The following ZC3HAV1 variants were observed in gnomAD, a reference collection of about 807,000 sequenced individuals.
ZC3HAV1 encodes the protein zinc finger CCCH-type containing, antiviral 1.
A neutral mutation model predicts 86.6 loss-of-function variants in ZC3HAV1; 41 were observed. The observed-to-expected ratio is 0.47, with a 90% CI of 0.37 to 0.61. The LOEUF is 0.61. ZC3HAV1 is among the 20% of genes least tolerant of loss of function. ZC3HAV1 has a pLI of 0.00. For synonymous variants in ZC3HAV1, 421 were observed against 432.1 expected, an observed-to-expected ratio of 0.97 and a Z score of 0.32; for missense variants, 964 against 1,141.1, an observed-to-expected ratio of 0.84 and a Z score of 2.24.
chr7:139,071,912 C>G (rs1465933035), intron 7 of ZC3HAV1, among the ~76,000 whole-genome samples: 1 of 152,188 alleles, frequency 6.6e-6, no homozygotes, highest in Non-Finnish European at 1.5e-5. Flanking sequence ...TGGTTGAGGA[C>G]CTCACCACAG....
chr7:139,054,302 T>C (rs1438572960), intron 10 of ZC3HAV1, among the ~76,000 whole-genome samples: 1 of 152,144 alleles, frequency 6.6e-6, no homozygotes, highest in African/African-American at 2.4e-5. Context: ...CCAGGCCAAC[T>C]GAAAGCTAGC....
At chr7:139,074,709 G>C (rs1404781506) in intron 6 of ZC3HAV1, among the ~76,000 whole-genome samples, 4 of 151,400 alleles carry the variant, frequency 2.6e-5, no homozygotes, top group South Asian at 2.1e-4. Context: ...ATATACCTGG[G>C]TATGTATATT....
At chr7:139,059,610 C>T (rs1816387522) in intron 9 of ZC3HAV1, among the ~76,000 whole-genome samples, 1 of 144,448 alleles carries the variant, frequency 6.9e-6, no homozygotes, top group Non-Finnish European at 1.5e-5. Context: ...GAGTAAGACT[C>T]TGTCAAAAAA....
intron 1 of ZC3HAV1, among the ~76,000 whole-genome samples, chr7:139,105,582 T>C (rs186330522): frequency 6.6e-6 from 1 of 152,242 alleles, no homozygotes; most frequent in Non-Finnish European, 1.5e-5. Flanking sequence ...CTAAAATGTA[T>C]CACTAAAAAC....
intron 7 of ZC3HAV1, among the ~76,000 whole-genome samples, chr7:139,071,702 T>C (rs1256915378): frequency 1.3e-5 from 2 of 152,122 alleles, no homozygotes; most frequent in Non-Finnish European, 2.9e-5. Context: ...AGATGCTACA[T>C]GGGCCACCAC....
In ZC3HAV1 at chr7:139,044,512, T is replaced by A. The variant is rs187358934; in HGVS notation, c.*3082A>T. ...AATTGATTTTTTTAAGAAATTCATG[T>A]GTGTAAGTAGATTGTATTATCTATG... is the stretch of plus-strand genomic sequence containing the variant. On this transcript the variant is annotated 3_prime_UTR_variant, in exon 13 of 13. Coordinates refer to ENST00000242351, the MANE Select transcript of ZC3HAV1 (RefSeq NM_020119.4). 1.4e-4 allele frequency: 21 copies of A among 152,272 alleles called. No individual in the cohort carries two copies. Among genetic ancestry groups the A allele is most frequent in the African/African-American group, 3.9e-4 (16 of 41,532 alleles). 9.4% of individuals were successfully genotyped at this position (152,272 alleles called of 1,614,324 possible).
chr7:139,062,229 A>C (rs1816463072), intron 8 of ZC3HAV1, among the ~76,000 whole-genome samples: 1 of 136,122 alleles, frequency 7.3e-6, no homozygotes, highest in African/African-American at 3.5e-5. Context: ...AACATAAACC[A>C]CACACACACA....
At position 139,055,295 on chromosome 7, in the gene ZC3HAV1, G is replaced by C; in HGVS notation, c.2097C>G (p.Asp699Glu). The C allele has an allele frequency of 6.2e-7, 1 of 1,610,626 alleles. No individual in the cohort carries two copies. Among genetic ancestry groups the C allele is most frequent in the Non-Finnish European group, 8.5e-7 (1 of 1,177,696 alleles). The change falls in exon 10 of 13, where the codon GAC becomes GAG. Residue 699 changes from aspartate (D) to glutamate (E), a missense_variant and splice_region_variant. Asp to Glu is a conservative substitution (Grantham distance 45). Transcript: ENST00000242351. ...WYVQQMKRGP[D>E]HQPAKTSSVS... Reference sequence around the variant, plus strand: ...CTGACGAGGTCTTTGCTGGCTGATGGCTACAAATAAAGAGAAAGAATTCAC... The same window carrying C: ...CTGACGAGGTCTTTGCTGGCTGATGCCTACAAATAAAGAGAAAGAATTCAC...
At chr7:139,068,207 G>A (rs960488712) in intron 7 of ZC3HAV1, among the ~76,000 whole-genome samples, 2 of 152,004 alleles carry the variant, frequency 1.3e-5, no homozygotes, top group African/African-American at 2.4e-5. Context: ...TTACAGGCAT[G>A]AGCCACCACA....
intron 10 of ZC3HAV1, 42 bp downstream of exon 10, chr7:139,055,163 A>G (rs1816246888): frequency 6.5e-6 from 10 of 1,547,686 alleles, no homozygotes; most frequent in Non-Finnish European, 8.9e-6. Flanking sequence ...ACTTTTTCTA[A>G]CTTTTAACAG....
At chr7:139,053,069 T>C (rs1816182521) in intron 12 of ZC3HAV1, among the ~76,000 whole-genome samples, 1 of 152,130 alleles carries the variant, frequency 6.6e-6, no homozygotes, top group Non-Finnish European at 1.5e-5. Flanking sequence ...GCTCTTTAAT[T>C]AAAACCAATC....
At chr7:139,069,293 C>A (rs149046848) in intron 7 of ZC3HAV1, among the ~76,000 whole-genome samples, 2,383 of 152,266 alleles carry the variant, frequency 0.016, 60 homozygotes, top group African/African-American at 0.054. Flanking sequence ...ATTATTTATT[C>A]CCCACAAGAC....
rs988957957 is a variant in ZC3HAV1, at chr7:139,047,392, G to T, written c.*202C>A. On this transcript the variant is annotated 3_prime_UTR_variant, in exon 13 of 13. Coordinates refer to ENST00000242351, the MANE Select transcript of ZC3HAV1 (RefSeq NM_020119.4). The stretch of plus-strand genomic sequence containing the variant: ...CTGACGCCCAGAAATGATTTCATTG[G>T]CATGGGGTGCAACCTGGGCATCAGA... 5.0e-6 allele frequency: 3 copies of T among 605,724 alleles called. No individual in the cohort carries two copies. Among genetic ancestry groups the T allele is most frequent in the Admixed American group, 3.6e-5 (1 of 27,446 alleles). The allele number at this position is 605,724 out of a possible 1,614,324, so 37.5% of individuals were successfully genotyped here.
chr7:139,050,297 A>G (rs1584833809), intron 12 of ZC3HAV1, among the ~76,000 whole-genome samples: 1 of 151,946 alleles, frequency 6.6e-6, no homozygotes, highest in Non-Finnish European at 1.5e-5. Flanking sequence ...TCTGGAATCT[A>G]TATTTTCTTT....
At chr7:139,058,543 G>T (rs1279406343) in intron 9 of ZC3HAV1, among the ~76,000 whole-genome samples, 2 of 151,558 alleles carry the variant, frequency 1.3e-5, no homozygotes, top group African/African-American at 4.8e-5. Context: ...AGGAGGGAAG[G>T]TTGTGCTAGA....
chr7:139,080,006 G>A lies in ZC3HAV1; in HGVS notation c.935C>T (p.Ser312Leu), dbSNP rs150932310. The change falls in exon 4 of 13, where the codon TCG (serine) becomes TTG (leucine). Residue 312 changes from serine (S) to leucine (L), a missense_variant. Ser to Leu is a moderately radical substitution (Grantham distance 145). Transcript: ENST00000242351. ...SQDRARPPSG[S>L]SKATDLGGTS... ...TCCTCCAAGATCAGTAGCCTTGGAC[G>A]AGCCTGAGGGAGGCCGAGCGCGATC... The A allele has an allele frequency of 7.7e-5, 124 of 1,614,018 alleles. No individual in the cohort carries two copies. Among genetic ancestry groups the A allele is most frequent in the South Asian group, 1.5e-4 (14 of 91,086 alleles).
chr7:139,057,275 A>T (rs1248823252), intron 9 of ZC3HAV1, among the ~76,000 whole-genome samples: 7 of 151,268 alleles, frequency 4.6e-5, no homozygotes, highest in African/African-American at 1.2e-4. Flanking sequence ...GGAGAATCAC[A>T]TGAATCCAGG....
At chr7:139,079,228 C>G (rs1183586589) in intron 4 of ZC3HAV1, 1 of 1,536,524 alleles carries the variant, frequency 6.5e-7, no homozygotes. Context: ...CAGCAGGTGA[C>G]TGAGGCAGAG....
intron 8 of ZC3HAV1, among the ~76,000 whole-genome samples, chr7:139,063,825 G>A (rs1816519932): frequency 6.6e-6 from 1 of 151,232 alleles, no homozygotes; most frequent in African/African-American, 2.4e-5. Flanking sequence ...TTTAACAAGT[G>A]CCAGATACGC....
Sources: gnomAD v4.1 joint callset for allele counts (sites outside exome capture counted in the v4.1 genomes callset) on GRCh38, gnomAD v4.1.1 for gene constraint, MANE v1.5 for transcripts, NCBI Gene and HGNC (gene_info 2026-07-23, HGNC 2026-07-21) for gene names.